The following DLGAP2 variants were observed in gnomAD, a reference collection of about 807,000 sequenced individuals.
DLGAP2 encodes the protein DLG associated protein 2, also known as disks large-associated protein 2.
In DLGAP2, 26 loss-of-function variants were observed where a neutral mutation model predicts 100.3. That is an observed-to-expected ratio of 0.26 (90% CI 0.19 to 0.36). The LOEUF is 0.36. DLGAP2 is among the 10% of genes least tolerant of loss of function. The pLI is 1.00. For missense variants in DLGAP2, 1,858 were observed against 1,453.2 expected (o/e 1.28, Z -4.53); for synonymous variants, 886 against 630.1 (o/e 1.41, Z -6.08).
intron 2 of DLGAP2, among the ~76,000 whole-genome samples, chr8:1,065,734 A>C (rs1803224286): frequency 6.6e-6 from 1 of 152,172 alleles, no homozygotes; most frequent in African/African-American, 2.4e-5. Context: ...ATCCCATTTA[A>C]GTACATCGTT....
intron 3 of DLGAP2, among the ~76,000 whole-genome samples, chr8:1,273,482 A>T (rs773574194): frequency 8.5e-5 from 13 of 152,176 alleles, no homozygotes; most frequent in African/African-American, 3.1e-4. Context: ...TATGCTCAAG[A>T]TGGATGACCA....
At chr8:1,000,228 CCAGG>C (rs1205605293) in intron 2 of DLGAP2, among the ~76,000 whole-genome samples, 5 of 149,712 alleles carry the variant, frequency 3.3e-5, no homozygotes, top group Non-Finnish European at 4.5e-5. Context: ...GCGGACAGAT[CCAGG>C]TGGGGGTGGT....
chr8:1,298,161 A>ATGCATGAACGGAGAAATGTGGCG (rs1256037034), intron 3 of DLGAP2, among the ~76,000 whole-genome samples: 2 of 151,878 alleles, frequency 1.3e-5, no homozygotes, highest in African/African-American at 2.4e-5. Flanking sequence ...GAAACGTGGC[A>ATGCATGAACGGAGAAATGTGGCG]TGCATGAACG....
chr8:1,354,582 T>C (rs111577604), intron 3 of DLGAP2, among the ~76,000 whole-genome samples: 9,318 of 151,322 alleles, frequency 0.062, 420 homozygotes, highest in East Asian at 0.17. Context: ...GATGATGCTG[T>C]GGGTGAAGGT....
At chr8:837,930 T>G (rs1796912086) in intron 1 of DLGAP2, among the ~76,000 whole-genome samples, 4 of 150,280 alleles carry the variant, frequency 2.7e-5, no homozygotes, top group Admixed American at 6.6e-5. Context: ...AGAGGGGGTT[T>G]CGCCATGTTG....
At chr8:1,567,323 A>T (rs1167272235) in intron 6 of DLGAP2, among the ~76,000 whole-genome samples, 1 of 152,192 alleles carries the variant, frequency 6.6e-6, no homozygotes, top group Non-Finnish European at 1.5e-5. Flanking sequence ...AAGCACACAC[A>T]TGCAGAAGCT....
intron 3 of DLGAP2, among the ~76,000 whole-genome samples, chr8:1,298,522 G>A (rs1199307246): frequency 6.6e-6 from 1 of 152,112 alleles, no homozygotes; most frequent in Non-Finnish European, 1.5e-5. Flanking sequence ...AGTGCTGAGA[G>A]GCAGCGTACC....
rs575308951 is a variant in DLGAP2, at chr8:923,011, A to G, written c.73+15045A>G. Among the ~76,000 whole-genome samples the G allele has an allele frequency of 1.7e-4, 26 of 152,166 alleles. No individual in the cohort carries two copies. In the East Asian group the frequency reaches 4.1e-3, roughly 24 times the overall value. Reference sequence around the variant, plus strand: ...ATGGATGCTTGTTACCATGGAGTGCATTACTCTGTATCACACTCGGGTGTG... The same window carrying G: ...ATGGATGCTTGTTACCATGGAGTGCGTTACTCTGTATCACACTCGGGTGTG... On this transcript the variant is annotated intron_variant, in intron 2 of 14. Coordinates refer to ENST00000637795, the MANE Select transcript of DLGAP2 (RefSeq NM_001346810.2).
At chr8:1,411,382 A>G (rs1053123386) in intron 3 of DLGAP2, among the ~76,000 whole-genome samples, 1 of 152,248 alleles carries the variant, frequency 6.6e-6, no homozygotes, top group Non-Finnish European at 1.5e-5. Context: ...ATGGGTTTCC[A>G]CATAAAAGAG....
At chr8:1,071,443 A>T (rs1278622083) in intron 2 of DLGAP2, among the ~76,000 whole-genome samples, 1 of 152,032 alleles carries the variant, frequency 6.6e-6, no homozygotes, top group Non-Finnish European at 1.5e-5. Flanking sequence ...GTGCTAGCCT[A>T]GGCTGGGGCA....
At chr8:1,149,291 A>T (rs151066823) in intron 2 of DLGAP2, among the ~76,000 whole-genome samples, 1 of 151,970 alleles carries the variant, frequency 6.6e-6, no homozygotes, top group East Asian at 1.9e-4. Flanking sequence ...GACTACAGGC[A>T]CCCGCCACCG....
intron 2 of DLGAP2, among the ~76,000 whole-genome samples, chr8:969,874 A>G (rs113159744): frequency 6.6e-6 from 1 of 152,244 alleles, no homozygotes; most frequent in African/African-American, 2.4e-5. Flanking sequence ...GATTAAACCT[A>G]GAAGTGTATT....
At chr8:1,091,054 A>G (rs1267024271) in intron 2 of DLGAP2, among the ~76,000 whole-genome samples, 2 of 152,126 alleles carry the variant, frequency 1.3e-5, no homozygotes, top group African/African-American at 2.4e-5. Flanking sequence ...TGGGTCTGAA[A>G]GGCAGTCTTG....
Position 1,408,602 on chromosome 8 carries a change from A to C in DLGAP2, c.107-92764A>C, listed in dbSNP as rs139423227. On this transcript the variant is annotated intron_variant, in intron 3 of 14. Coordinates refer to ENST00000637795, the MANE Select transcript of DLGAP2 (RefSeq NM_001346810.2). ...AACTGTTCGGCAACTGGAGTTTCTA[A>C]GCCTGTTTTCTGGAGCAGGCAACAT... Among the ~76,000 whole-genome samples the C allele has an allele frequency of 4.3e-4, 65 of 152,320 alleles. 1 individual carries two copies. The highest frequency in any genetic ancestry group is 1.6e-3 in the African/African-American group (65 of 41,572).
chr8:1,041,607 C>T (rs1802350863), intron 2 of DLGAP2, among the ~76,000 whole-genome samples: 1 of 133,806 alleles, frequency 7.5e-6, no homozygotes, highest in Non-Finnish European at 1.6e-5. Flanking sequence ...TGAGTGTTCT[C>T]CGAGCCCCTT....
At chr8:1,367,639 G>T (rs1802137636) in intron 3 of DLGAP2, among the ~76,000 whole-genome samples, 1 of 152,216 alleles carries the variant, frequency 6.6e-6, no homozygotes, top group South Asian at 2.1e-4. Context: ...AAGCATTTTG[G>T]AAGGTAATTG....
At chr8:1,475,736 G>A (rs541927302) in intron 3 of DLGAP2, among the ~76,000 whole-genome samples, 1 of 152,268 alleles carries the variant, frequency 6.6e-6, no homozygotes, top group Middle Eastern at 3.4e-3. Flanking sequence ...GGCTTGGGGA[G>A]CTCAACAAAA....
chr8:1,033,387 G>A (rs759729398), intron 2 of DLGAP2, among the ~76,000 whole-genome samples: 1 of 152,188 alleles, frequency 6.6e-6, no homozygotes, highest in African/African-American at 2.4e-5. Context: ...CTGGGGGTTG[G>A]GGGTGGTGGT....
At chr8:1,114,005 A>T (rs1805040125) in intron 2 of DLGAP2, among the ~76,000 whole-genome samples, 1 of 152,254 alleles carries the variant, frequency 6.6e-6, no homozygotes, top group East Asian at 1.9e-4. Flanking sequence ...ACATTGATTG[A>T]TTTGTGTATG....
Sources: allele counts gnomAD v4.1 joint callset (sites outside exome capture counted in the v4.1 genomes callset), GRCh38; gene constraint gnomAD v4.1.1; transcripts MANE v1.5; gene names NCBI Gene and HGNC (gene_info 2026-07-23, HGNC 2026-07-21).